Variants in GPATCH2 observed in about 807,000 individuals in gnomAD.
The protein encoded by GPATCH2 is G patch domain-containing protein 2.
Under a neutral mutation model 58.0 loss-of-function variants are expected in GPATCH2, and 51 were observed. The observed-to-expected ratio is 0.88, with a 90% CI of 0.70 to 1.11. The LOEUF (loss-of-function observed/expected upper bound fraction) is 1.11. GPATCH2 is among the 50% of genes most tolerant of loss of function. The pLI is 0.00. For synonymous variants in GPATCH2, 222 were observed against 218.5 expected (o/e 1.02, Z -0.14); for missense variants, 625 against 652.2 (o/e 0.96, Z 0.45).
intron 1 of GPATCH2, among the ~76,000 whole-genome samples, chr1:217,624,137 A>G (rs1436166960): frequency 6.6e-6 from 1 of 152,182 alleles, no homozygotes; most frequent in Non-Finnish European, 1.5e-5. Context: ...ACTCTCCTCC[A>G]AGTCAATACC....
intron 8 of GPATCH2, among the ~76,000 whole-genome samples, chr1:217,474,047 A>C (rs1660857119): frequency 6.6e-6 from 1 of 152,234 alleles, no homozygotes; most frequent in Non-Finnish European, 1.5e-5. Flanking sequence ...GTTATTTACA[A>C]TAAACGTATG....
At chr1:217,543,330 C>T (rs530345770) in intron 5 of GPATCH2, among the ~76,000 whole-genome samples, 46 of 139,078 alleles carry the variant, frequency 3.3e-4, no homozygotes, top group African/African-American at 1.2e-3. Flanking sequence ...AGTGCAGTGG[C>T]GCAATCTCGG....
chr1:217,446,461 G>A (rs1356341282), intron 9 of GPATCH2, among the ~76,000 whole-genome samples: 1 of 151,972 alleles, frequency 6.6e-6, no homozygotes, highest in Non-Finnish European at 1.5e-5. Flanking sequence ...ACTTGAATTT[G>A]GATAATAATC....
chr1:217,555,684 C>G (rs771928046), intron 5 of GPATCH2, among the ~76,000 whole-genome samples: 32 of 152,166 alleles, frequency 2.1e-4, no homozygotes, highest in Non-Finnish European at 3.4e-4. Context: ...TGGTGGAAAG[C>G]TGCAGAGAAT....
At chr1:217,494,507 G>A (rs1347421349) in intron 7 of GPATCH2, among the ~76,000 whole-genome samples, 1 of 152,218 alleles carries the variant, frequency 6.6e-6, no homozygotes, top group African/African-American at 2.4e-5. Flanking sequence ...GGGAGGCCAT[G>A]GCGGGCGGAT....
In GPATCH2 at chr1:217,454,236, T is replaced by TAAG. The variant is rs531126592; in HGVS notation, c.1278-4902_1278-4900dup. Among the ~76,000 whole-genome samples, 475 of 152,198 alleles carry TAAG rather than the reference T, an allele frequency of 3.1e-3. 1 individual carries two copies. The highest frequency in any genetic ancestry group is 0.011 in the African/African-American group (455 of 41,548). On this transcript the variant is annotated intron_variant, in intron 8 of 9. Coordinates refer to ENST00000366935, the MANE Select transcript of GPATCH2 (RefSeq NM_018040.5). ...TTTAGTACCCAAACGCACAATACAA[T>TAAG]AAGTATCAAGCACTTTCAAGTATAA...
intron 5 of GPATCH2, among the ~76,000 whole-genome samples, chr1:217,574,235 T>C (rs560588627): frequency 1.6e-4 from 24 of 152,224 alleles, no homozygotes; most frequent in Non-Finnish European, 3.5e-4. Flanking sequence ...TGTGCCTTTT[T>C]TACATTTTTA....
chr1:217,544,191 T>A (rs139333383), intron 5 of GPATCH2, among the ~76,000 whole-genome samples: 7 of 152,228 alleles, frequency 4.6e-5, no homozygotes, highest in Non-Finnish European at 7.4e-5. Flanking sequence ...GGTCAAGAGT[T>A]CGAAACAAGC....
chr1:217,478,706 T>C (rs1661076235), intron 8 of GPATCH2, among the ~76,000 whole-genome samples: 1 of 150,872 alleles, frequency 6.6e-6, no homozygotes, highest in Non-Finnish European at 1.5e-5. Flanking sequence ...GGGTAGAAAG[T>C]GTATTTAAAG....
intron 6 of GPATCH2, among the ~76,000 whole-genome samples, chr1:217,504,399 G>C (rs890866626): frequency 6.6e-6 from 1 of 152,088 alleles, no homozygotes; most frequent in Non-Finnish European, 1.5e-5. Flanking sequence ...TATTATATTC[G>C]TATATTGCAG....
chr1:217,515,385 C>A (rs1198438948), intron 5 of GPATCH2, among the ~76,000 whole-genome samples: 3 of 152,054 alleles, frequency 2.0e-5, no homozygotes, highest in Non-Finnish European at 4.4e-5. Flanking sequence ...TGTGAGCCAC[C>A]GCGCCCGACT....
At chr1:217,527,523 A>G (rs1349719542) in intron 5 of GPATCH2, among the ~76,000 whole-genome samples, 2 of 151,890 alleles carry the variant, frequency 1.3e-5, no homozygotes, top group African/African-American at 4.8e-5. Flanking sequence ...AAAAGAATCA[A>G]AGGTTTCCAC....
intron 8 of GPATCH2, among the ~76,000 whole-genome samples, chr1:217,481,097 GACA>G (rs1409934992): frequency 1.3e-5 from 2 of 152,014 alleles, no homozygotes; most frequent in Non-Finnish European, 2.9e-5. Context: ...TATTTGATAG[GACA>G]ACAAGTGACT....
At chr1:217,493,829 A>C (rs1661869370) in intron 7 of GPATCH2, among the ~76,000 whole-genome samples, 1 of 152,166 alleles carries the variant, frequency 6.6e-6, no homozygotes, top group Non-Finnish European at 1.5e-5. Flanking sequence ...ACATTAAATT[A>C]ATAATAATAG....
intron 5 of GPATCH2, among the ~76,000 whole-genome samples, chr1:217,523,836 C>T (rs1215762568): frequency 6.7e-6 from 1 of 148,208 alleles, no homozygotes; most frequent in African/African-American, 2.5e-5. Flanking sequence ...GACGGGGTGG[C>T]TGGCCGGGCG....
At chr1:217,518,325 T>A (rs1266853080) in intron 5 of GPATCH2, among the ~76,000 whole-genome samples, 1 of 152,190 alleles carries the variant, frequency 6.6e-6, no homozygotes, top group Non-Finnish European at 1.5e-5. Context: ...AGGAGGTCAA[T>A]ATGTACCAAT....
intron 3 of GPATCH2, among the ~76,000 whole-genome samples, chr1:217,612,096 C>T (rs1668661101): frequency 6.6e-6 from 1 of 151,942 alleles, no homozygotes; most frequent in Non-Finnish European, 1.5e-5. Context: ...AGGAGGATCC[C>T]TTGAGCCCAG....
intron 5 of GPATCH2, among the ~76,000 whole-genome samples, chr1:217,571,486 T>C (rs1359734840): frequency 6.6e-6 from 1 of 150,390 alleles, no homozygotes; most frequent in Non-Finnish European, 1.5e-5. Flanking sequence ...AGTATTTTAC[T>C]TCTGGGCGCC....
At chr1:217,456,319 T>C (rs1659941128) in intron 8 of GPATCH2, among the ~76,000 whole-genome samples, 1 of 152,140 alleles carries the variant, frequency 6.6e-6, no homozygotes, top group African/African-American at 2.4e-5. Flanking sequence ...CCTGTATCTG[T>C]CCATCTGGGT....
Sources: gnomAD v4.1 joint callset for allele counts (sites outside exome capture counted in the v4.1 genomes callset) on GRCh38, gnomAD v4.1.1 for gene constraint, MANE v1.5 for transcripts, NCBI Gene and HGNC (gene_info 2026-07-23, HGNC 2026-07-21) for gene names.